PSD3: variants seen among roughly 807,000 people sequenced by gnomAD.
The protein encoded by PSD3 is pleckstrin and Sec7 domain containing 3, also known as PH and SEC7 domain-containing protein 3.
A neutral mutation model predicts 105.5 loss-of-function variants in PSD3; 49 were observed. The observed-to-expected ratio is 0.46, with a 90% CI of 0.37 to 0.59. The LOEUF (loss-of-function observed/expected upper bound fraction) is 0.59, where lower values mean the gene tolerates loss of function less well. Among genes scored for constraint, PSD3 ranks in the 20% least tolerant of loss-of-function variants. PSD3 has a pLI of 0.00. For synonymous variants in PSD3, 557 were observed against 457.8 expected, an observed-to-expected ratio of 1.22 and a Z score of -2.77; for missense variants, 1,561 against 1,263.8, an observed-to-expected ratio of 1.24 and a Z score of -3.57.
At chr8:18,572,957 T>A (rs1241485457) in intron 13 of PSD3, among the ~76,000 whole-genome samples, 1 of 152,176 alleles carries the variant, frequency 6.6e-6, no homozygotes, top group Non-Finnish European at 1.5e-5. Context: ...TACTTTCTGT[T>A]TGATACGAGG....
At chr8:19,065,478 T>C (rs1829046057) in intron 1 of PSD3, among the ~76,000 whole-genome samples, 1 of 152,210 alleles carries the variant, frequency 6.6e-6, no homozygotes, top group South Asian at 2.1e-4. Context: ...CAGTTTTATG[T>C]CTGGGCCTCC....
At chr8:18,594,959 C>T (rs1803981536) in intron 12 of PSD3, among the ~76,000 whole-genome samples, 1 of 151,872 alleles carries the variant, frequency 6.6e-6, no homozygotes, top group Admixed American at 6.6e-5. Flanking sequence ...ATATGCAGTG[C>T]TGAGCATATG....
intron 1 of PSD3, among the ~76,000 whole-genome samples, chr8:19,054,405 A>G (rs1828638797): frequency 1.3e-5 from 2 of 152,200 alleles, no homozygotes; most frequent in African/African-American, 2.4e-5. Context: ...GGTGCCTGGA[A>G]GAACTTGTAG....
At chr8:18,579,354 G>A (rs1452745912) in intron 12 of PSD3, among the ~76,000 whole-genome samples, 1 of 152,164 alleles carries the variant, frequency 6.6e-6, no homozygotes, top group Admixed American at 6.6e-5. Context: ...ATGTGAAACA[G>A]TGAGCAAGAT....
chr8:18,911,523 A>G (rs1820220709), intron 2 of PSD3, among the ~76,000 whole-genome samples: 1 of 152,144 alleles, frequency 6.6e-6, no homozygotes, highest in Non-Finnish European at 1.5e-5. Flanking sequence ...AACCTCATCT[A>G]TAAAATGGGG....
rs541357191 is a variant in PSD3 at position 18,532,445 on chromosome 8, T to C, written c.*3298A>G. On this transcript the variant is annotated 3_prime_UTR_variant, in exon 16 of 16. Coordinates refer to ENST00000327040, the MANE Select transcript of PSD3 (RefSeq NM_015310.4). ...GATTAGGATAACAGTTGGAGACGCA[T>C]AGAGGGTCTTGTGTTTGCCACAAGA... 6.6e-5 allele frequency: 10 copies of C among 152,316 alleles called. No homozygotes were observed. Among genetic ancestry groups the C allele is most frequent in the Middle Eastern group, 3.4e-3 (1 of 294 alleles). The allele number at this position is 152,316 out of a possible 1,614,324, so 9.4% of individuals were successfully genotyped here. A position where few individuals can be genotyped will look rare whatever the true frequency, so the allele number is the denominator to read the frequency against.
chr8:18,548,563 T>C (rs906660876), intron 15 of PSD3, among the ~76,000 whole-genome samples: 2 of 152,204 alleles, frequency 1.3e-5, no homozygotes, highest in Non-Finnish European at 2.9e-5. Flanking sequence ...TGGGTAATTC[T>C]TACACTGTAC....
intron 8 of PSD3, among the ~76,000 whole-genome samples, chr8:18,787,340 G>A (rs1324615457): frequency 6.6e-6 from 1 of 152,080 alleles, no homozygotes; most frequent in Admixed American, 6.6e-5. Flanking sequence ...GCCTCCTGAT[G>A]CATTGAGAGG....
At chr8:18,663,437 A>G (rs1185818627) in intron 9 of PSD3, among the ~76,000 whole-genome samples, 1 of 150,304 alleles carries the variant, frequency 6.7e-6, no homozygotes, top group African/African-American at 2.5e-5. Context: ...AAAAACCAAA[A>G]AGCAAAAAAA....
chr8:19,016,533 G>C (rs1359990842), upstream of PSD3, among the ~76,000 whole-genome samples: 1 of 152,126 alleles, frequency 6.6e-6, no homozygotes, highest in Admixed American at 6.5e-5. Context: ...ATTTCTAAGA[G>C]TTGACAAATC....
chr8:18,883,826 T>C (rs929745146), intron 2 of PSD3, among the ~76,000 whole-genome samples: 13 of 152,216 alleles, frequency 8.5e-5, no homozygotes, highest in Non-Finnish European at 1.9e-4. Context: ...TTTTCAATCC[T>C]TTATAAATTA....
At chr8:18,925,361 C>A (rs755202905) in intron 2 of PSD3, among the ~76,000 whole-genome samples, 3 of 151,798 alleles carry the variant, frequency 2.0e-5, no homozygotes, top group Admixed American at 6.6e-5. Context: ...GATTGTGCTA[C>A]CACACTTCCA....
chr8:19,026,381 T>C (rs777233431), intron 1 of PSD3, among the ~76,000 whole-genome samples: 1 of 152,166 alleles, frequency 6.6e-6, no homozygotes, highest in Non-Finnish European at 1.5e-5. Context: ...CTCAGAGGTT[T>C]TTTTTTGTAA....
intron 14 of PSD3, among the ~76,000 whole-genome samples, chr8:18,558,477 T>A (rs1455442373): frequency 6.6e-6 from 1 of 152,182 alleles, no homozygotes; most frequent in Admixed American, 6.5e-5. Flanking sequence ...TACGTGCTCA[T>A]CTCATTCCTT....
intron 4 of PSD3, among the ~76,000 whole-genome samples, chr8:18,806,291 A>T (rs1393513397): frequency 6.6e-6 from 1 of 152,226 alleles, no homozygotes; most frequent in Non-Finnish European, 1.5e-5. Context: ...AAACAAAAAT[A>T]GTGTTATAAT....
intron 9 of PSD3, among the ~76,000 whole-genome samples, chr8:18,715,979 T>C (rs1435296470): frequency 2.0e-5 from 3 of 152,124 alleles, no homozygotes; most frequent in Non-Finnish European, 4.4e-5. Context: ...AGCAAATACA[T>C]TGGTTGCTTC....
At chr8:18,929,853 T>G (rs1021763845) in intron 2 of PSD3, among the ~76,000 whole-genome samples, 4 of 151,992 alleles carry the variant, frequency 2.6e-5, no homozygotes, top group African/African-American at 4.8e-5. Context: ...TTAGAGAGAT[T>G]CAAAATAATG....
At position 18,626,299 on chromosome 8, in the gene PSD3, A is replaced by G. The variant is rs1041869180; in HGVS notation, c.2410+6314T>C. 2.0e-4 allele frequency among the ~76,000 whole-genome samples: 31 copies of G among 152,126 alleles called. 1 individual carries two copies. The highest frequency in any genetic ancestry group is 2.0e-3 in the Admixed American group (30 of 15,264). On this transcript the variant is annotated intron_variant, in intron 11 of 15. Coordinates refer to ENST00000327040, the MANE Select transcript of PSD3 (RefSeq NM_015310.4). ...GAGTGAAATAAATGGTCCATTTGAG[A>G]CAAGTGTATCAGCATTTAAAACAAA...
At position 18,736,034 on chromosome 8, in the gene PSD3, G is replaced by A. The variant is rs567594453; in HGVS notation, c.2172+29415C>T. Among the ~76,000 whole-genome samples the A allele has an allele frequency of 7.9e-5, 12 of 152,190 alleles. No homozygotes were observed. The South Asian group carries it at 2.5e-3, about 32-fold the overall frequency. Reference sequence around the variant, plus strand: ...TAACTATAAATTGTTTTTATGGAAAGTAGCTTCTGACAAATTTCAACTTTC... The same window carrying A: ...TAACTATAAATTGTTTTTATGGAAAATAGCTTCTGACAAATTTCAACTTTC... On this transcript the variant is annotated intron_variant, in intron 9 of 15. Coordinates refer to ENST00000327040, the MANE Select transcript of PSD3 (RefSeq NM_015310.4).
Sources: allele counts gnomAD v4.1 joint callset (sites outside exome capture counted in the v4.1 genomes callset), GRCh38; gene constraint gnomAD v4.1.1; transcripts MANE v1.5; gene names NCBI Gene and HGNC (gene_info 2026-07-23, HGNC 2026-07-21).